Variants in MGAT4C observed in about 807,000 individuals in gnomAD.
MGAT4C encodes the protein alpha-1,3-mannosyl-glycoprotein 4-beta-N-acetylglucosaminyltransferase C.
MGAT4C carries 19 observed loss-of-function variants against 40.1 expected under a neutral mutation model. That is an observed-to-expected ratio of 0.47 (90% CI 0.33 to 0.70). The LOEUF is 0.70. MGAT4C is among the 30% of genes least tolerant of loss of function. The probability of loss-of-function intolerance (pLI) is 0.02; values close to 1 mark genes in which losing one functional copy is unlikely to be tolerated. For missense variants in MGAT4C, 491 were observed against 563.2 expected, an observed-to-expected ratio of 0.87 and a Z score of 1.30; for synonymous variants, 181 against 187.1, an observed-to-expected ratio of 0.97 and a Z score of 0.27.
rs1888011042 is a variant in MGAT4C at position 86,180,632 on chromosome 12, C to T, written c.-57+75607G>A. ...GGAGTCAAAGGAGATCATTTTGGAGCTCTAAGATTTGACTGCCCTGCTGGA... is the reference window on the plus strand; with the variant it reads ...GGAGTCAAAGGAGATCATTTTGGAGTTCTAAGATTTGACTGCCCTGCTGGA... On this transcript the variant is annotated intron_variant, in intron 1 of 4. Transcript: ENST00000611864. Among the ~76,000 whole-genome samples, 4 of 152,158 alleles carry T rather than the reference C, an allele frequency of 2.6e-5. No individual in the cohort carries two copies. The South Asian group carries it at 8.3e-4, about 32-fold the overall frequency.
intron 2 of MGAT4C, among the ~76,000 whole-genome samples, chr12:86,461,447 T>G (rs1327202532): frequency 6.6e-6 from 1 of 151,858 alleles, no homozygotes. Flanking sequence ...GGGTTTCACC[T>G]TGTTAGCCAG....
intron 3 of MGAT4C, among the ~76,000 whole-genome samples, chr12:86,336,551 C>T (rs1425341013): frequency 6.6e-6 from 1 of 152,048 alleles, no homozygotes; most frequent in Middle Eastern, 3.2e-3. Flanking sequence ...AATGCTGTGT[C>T]TGGGAAAACA....
At chr12:86,817,522 T>A (rs1354780332) in intron 1 of MGAT4C, among the ~76,000 whole-genome samples, 1 of 151,550 alleles carries the variant, frequency 6.6e-6, no homozygotes, top group Non-Finnish European at 1.5e-5. Context: ...TCACTTATTT[T>A]TTTCTATGGT....
chr12:86,599,984 CA>C lies in MGAT4C; in HGVS notation c.-229+127224del, dbSNP rs749142825. ...TCCAGGGAAGGATATTGAAAATAAA[CA>C]AAAAAACCAGAAACAAAGTAAACAA... is the stretch of plus-strand genomic sequence containing the variant. On this transcript the variant is annotated intron_variant, in intron 2 of 7. Coordinates refer to the MGAT4C transcript ENST00000548651. Among the ~76,000 whole-genome samples, 20 of 150,946 alleles carry C rather than the reference CA, an allele frequency of 1.3e-4. No homozygotes were observed. In the East Asian group the frequency reaches 4.0e-3, roughly 30 times the overall value.
intron 1 of MGAT4C, among the ~76,000 whole-genome samples, chr12:86,241,076 A>G (rs1951763934): frequency 6.6e-6 from 1 of 152,208 alleles, no homozygotes; most frequent in Non-Finnish European, 1.5e-5. Flanking sequence ...AGGCAAAAAA[A>G]TAATACACAG....
Position 86,615,220 on chromosome 12 carries a change from T to C in MGAT4C, c.-229+111989A>G, listed in dbSNP as rs367816836. 2.1e-4 allele frequency among the ~76,000 whole-genome samples: 32 copies of C among 152,040 alleles called. No homozygotes were observed. The South Asian group carries it at 6.4e-3, about 31-fold the overall frequency. ...AAAGGATAATCAAGTCACTTCTAAT[T>C]GATATATCACTCAAAAAAATGACTG... On this transcript the variant is annotated intron_variant, in intron 2 of 7. Transcript: ENST00000548651.
At chr12:86,449,928 C>G (rs966526840) in intron 2 of MGAT4C, among the ~76,000 whole-genome samples, 3 of 152,006 alleles carry the variant, frequency 2.0e-5, no homozygotes, top group Non-Finnish European at 2.9e-5. Context: ...TAATGAAATG[C>G]TTTTGAACTA....
rs533675233 is a variant in MGAT4C, at chr12:86,514,336, T to C, written c.-228-79071A>G. The stretch of plus-strand genomic sequence containing the variant: ...GATCTGTATCATTTTTCTACTGCTT[T>C]AATTTAAAAAATGCCATGAACTACG... On this transcript the variant is annotated intron_variant, in intron 2 of 7. Coordinates refer to the MGAT4C transcript ENST00000548651. 3.3e-5 allele frequency among the ~76,000 whole-genome samples: 5 copies of C among 152,244 alleles called. No individual in the cohort carries two copies. In the South Asian group the frequency reaches 8.3e-4, roughly 25 times the overall value.
chr12:86,148,689 C>T (rs1212815599), intron 1 of MGAT4C, among the ~76,000 whole-genome samples: 2 of 152,108 alleles, frequency 1.3e-5, no homozygotes, highest in African/African-American at 2.4e-5. Flanking sequence ...GTAGACAGCA[C>T]TAAAGACAAA....
At chr12:86,608,561 G>C (rs1962127670) in intron 2 of MGAT4C, among the ~76,000 whole-genome samples, 1 of 152,090 alleles carries the variant, frequency 6.6e-6, no homozygotes, top group African/African-American at 2.4e-5. Context: ...GCCAGAGTGA[G>C]ATGCTGTCTC....
chr12:86,794,626 A>T (rs1355297105), intron 1 of MGAT4C, among the ~76,000 whole-genome samples: 1 of 151,906 alleles, frequency 6.6e-6, no homozygotes, highest in East Asian at 1.9e-4. Flanking sequence ...ACAAAGAGGA[A>T]TAATATTATT....
intron 1 of MGAT4C, among the ~76,000 whole-genome samples, chr12:86,786,426 CT>C (rs926800274): frequency 1.3e-5 from 2 of 151,738 alleles, no homozygotes. Context: ...AATATTTTTT[CT>C]TTTTTTTGGT....
chr12:86,203,817 C>T (rs1297187360), intron 1 of MGAT4C, among the ~76,000 whole-genome samples: 1 of 151,578 alleles, frequency 6.6e-6, no homozygotes, highest in South Asian at 2.1e-4. Flanking sequence ...ATTAGCTGGG[C>T]GTGGTGGTGC....
At chr12:86,464,263 C>T (rs1290727152) in intron 2 of MGAT4C, among the ~76,000 whole-genome samples, 1 of 152,118 alleles carries the variant, frequency 6.6e-6, no homozygotes, top group African/African-American at 2.4e-5. Flanking sequence ...GAGTCTTTTG[C>T]TAATCTAAGC....
chr12:86,779,677 G>A (rs963852097), intron 1 of MGAT4C, among the ~76,000 whole-genome samples: 8 of 152,158 alleles, frequency 5.3e-5, no homozygotes, highest in African/African-American at 1.9e-4. Context: ...ACTTTGGGAG[G>A]CCAAGGCGGG....
At chr12:86,477,347 TG>T (rs1957853695) in intron 2 of MGAT4C, among the ~76,000 whole-genome samples, 1 of 151,872 alleles carries the variant, frequency 6.6e-6, no homozygotes, top group East Asian at 1.9e-4. Flanking sequence ...CACTTATAAG[TG>T]GGAGCTAAAT....
chr12:86,632,850 T>C (rs1339766605), intron 2 of MGAT4C, among the ~76,000 whole-genome samples: 1 of 152,068 alleles, frequency 6.6e-6, no homozygotes, highest in Non-Finnish European at 1.5e-5. Context: ...GGCACATGTA[T>C]ACATGTGTAA....
chr12:86,390,161 G>C (rs908772266), intron 3 of MGAT4C, among the ~76,000 whole-genome samples: 1 of 152,116 alleles, frequency 6.6e-6, no homozygotes, highest in Non-Finnish European at 1.5e-5. Context: ...GATTCCAAAA[G>C]AGCTCAGAAG....
chr12:86,676,192 G>A (rs1964395140), intron 2 of MGAT4C, among the ~76,000 whole-genome samples: 1 of 152,012 alleles, frequency 6.6e-6, no homozygotes, highest in African/African-American at 2.4e-5. Context: ...GGTGAAAGAG[G>A]AAAGAATACC....
Sources: allele counts gnomAD v4.1 joint callset (sites outside exome capture counted in the v4.1 genomes callset), GRCh38; gene constraint gnomAD v4.1.1; transcripts MANE v1.5; gene names NCBI Gene and HGNC (gene_info 2026-07-23, HGNC 2026-07-21).